Variants in ABLIM2 observed in about 807,000 individuals in gnomAD.
The protein encoded by ABLIM2 is actin-binding LIM protein 2.
In ABLIM2, 53 loss-of-function variants were observed where a neutral mutation model predicts 97.7. That is an observed-to-expected ratio of 0.54 (90% CI 0.44 to 0.68). The LOEUF (loss-of-function observed/expected upper bound fraction) is 0.68. ABLIM2 is among the 30% of genes least tolerant of loss of function. ABLIM2 has a pLI of 0.00. For missense variants in ABLIM2, 835 were observed against 867.2 expected (o/e 0.96, Z 0.47); for synonymous variants, 361 against 345.8 (o/e 1.04, Z -0.49).
intron 9 of ABLIM2, among the ~76,000 whole-genome samples, chr4:8,042,757 T>C (rs1789541911): frequency 6.7e-6 from 1 of 149,012 alleles, no homozygotes; most frequent in Non-Finnish European, 1.5e-5. Context: ...GAGAATCGCT[T>C]GAACCCAGGG....
At chr4:8,031,702 G>A (rs1042817979) in intron 10 of ABLIM2, among the ~76,000 whole-genome samples, 11 of 151,654 alleles carry the variant, frequency 7.3e-5, no homozygotes, top group Admixed American at 3.3e-4. Context: ...TCTGGGTGTC[G>A]TGGTGGGGGA....
At chr4:8,037,332 A>G (rs1785174955) in intron 9 of ABLIM2, among the ~76,000 whole-genome samples, 2 of 116,268 alleles carry the variant, frequency 1.7e-5, no homozygotes, top group African/African-American at 8.5e-5. Flanking sequence ...ACATGCACAC[A>G]CATGCAGGCA....
chr4:8,103,003 C>A (rs1217907924), intron 2 of ABLIM2, among the ~76,000 whole-genome samples: 1 of 152,216 alleles, frequency 6.6e-6, no homozygotes, highest in African/African-American at 2.4e-5. Flanking sequence ...CATCTCCAGG[C>A]TGCATGCCAT....
At chr4:8,100,988 C>A (rs1256442675) in intron 2 of ABLIM2, among the ~76,000 whole-genome samples, 1 of 152,136 alleles carries the variant, frequency 6.6e-6, no homozygotes, top group Non-Finnish European at 1.5e-5. Context: ...TACGGCATGC[C>A]TTCACATTTT....
At position 8,087,564 on chromosome 4, in the gene ABLIM2, G is replaced by A. The variant is rs1445394963; in HGVS notation, c.454+605C>T. 1.3e-5 allele frequency among the ~76,000 whole-genome samples: 2 copies of A among 152,202 alleles called. No individual in the cohort carries two copies. Among genetic ancestry groups the A allele is most frequent in the African/African-American group, 2.4e-5 (1 of 41,456 alleles). On this transcript the variant is annotated intron_variant, in intron 4 of 20. Coordinates refer to ENST00000447017, the MANE Select transcript of ABLIM2 (RefSeq NM_001130083.2). This position sits in a 1 kb window ranked among gnomAD's most constrained non-coding sequence, Gnocchi z 4.6. ...CCCCAAAGGGGTCCCGGGTGGCCTG[G>A]AATTAACAGAGGGGAGCTGAGGGGA...
chr4:8,118,541 C>T (rs771821336), intron 1 of ABLIM2, among the ~76,000 whole-genome samples: 2 of 152,210 alleles, frequency 1.3e-5, no homozygotes, highest in Non-Finnish European at 2.9e-5. Flanking sequence ...GCACAAGCTG[C>T]ACCCCTCTGC....
At position 7,992,403 on chromosome 4, in the gene ABLIM2, G is replaced by A. The variant is rs1056103482; in HGVS notation, c.1680+463C>T. On this transcript the variant is annotated intron_variant, in intron 17 of 20. Transcript: ENST00000447017. This position sits in a 1 kb window ranked among gnomAD's most constrained non-coding sequence, Gnocchi z 5.7. The stretch of plus-strand genomic sequence containing the variant: ...TCAAGTAACAGCCTTGGACGCTAAG[G>A]ATTATTTGGTGTCATCACGGTAACA... Among the ~76,000 whole-genome samples, 1 of 152,168 alleles carries A rather than the reference G, an allele frequency of 6.6e-6. No individual in the cohort carries two copies. Among genetic ancestry groups the A allele is most frequent in the African/African-American group, 2.4e-5 (1 of 41,442 alleles).
intron 16 of ABLIM2, chr4:8,007,155 A>G (rs1272063304): frequency 7.1e-6 from 7 of 985,160 alleles, no homozygotes; most frequent in African/African-American, 3.5e-5. Flanking sequence ...TGCAGGCATG[A>G]GGATGAGGAT....
At chr4:8,106,368 T>C in intron 2 of ABLIM2, 126 bp downstream of exon 2, 1 of 1,292,216 alleles carries the variant, frequency 7.7e-7, no homozygotes, top group Non-Finnish European at 1.1e-6. Context: ...CTGAAGATTC[T>C]GTATCTGGAG....
intron 3 of ABLIM2, among the ~76,000 whole-genome samples, chr4:8,090,440 T>C (rs902523461): frequency 3.3e-5 from 5 of 152,254 alleles, no homozygotes; most frequent in Admixed American, 2.6e-4. Flanking sequence ...CTCTGGCTTA[T>C]TGCCTGGACC....
chr4:8,000,329 C>T (rs142361408), intron 16 of ABLIM2, among the ~76,000 whole-genome samples: 184 of 152,226 alleles, frequency 1.2e-3, no homozygotes, highest in African/African-American at 4.0e-3. Flanking sequence ...ACAGGATCCC[C>T]GTGTGCTCAC....
In ABLIM2 at chr4:8,147,012, G is replaced by A. The variant is rs529484408; in HGVS notation, c.10+11668C>T. Among the ~76,000 whole-genome samples, 7 of 152,260 alleles carry A rather than the reference G, an allele frequency of 4.6e-5. No homozygotes were observed. Among genetic ancestry groups the A allele is most frequent in the Admixed American group, 1.3e-4 (2 of 15,290 alleles). Reference sequence around the variant, plus strand: ...CAGTGTTCTGCGGTTGGACATTTACGTTGCAGAGCATGTAACCCCTGCAAT... The same window carrying A: ...CAGTGTTCTGCGGTTGGACATTTACATTGCAGAGCATGTAACCCCTGCAAT... On this transcript the variant is annotated intron_variant, in intron 1 of 20. Coordinates refer to ENST00000447017, the MANE Select transcript of ABLIM2 (RefSeq NM_001130083.2). The surrounding 1 kb of genome is among the most constrained non-coding windows in gnomAD (Gnocchi z 5.3).
In ABLIM2 at chr4:8,014,924, CTT is replaced by C. The variant is rs72140876; in HGVS notation, c.1423+4692_1423+4693del. 1.3e-3 allele frequency among the ~76,000 whole-genome samples: 177 copies of C among 141,212 alleles called. 2 individuals are homozygous for C. Among genetic ancestry groups the C allele is most frequent in the East Asian group, 3.0e-3 (15 of 4,986 alleles). 92.6% of individuals were successfully genotyped at this position (141,212 alleles called of 152,430 possible). On this transcript the variant is annotated intron_variant, in intron 14 of 20. Coordinates refer to ENST00000447017, the MANE Select transcript of ABLIM2 (RefSeq NM_001130083.2). ...CTTTTCTTCCTTCCTTCCTTTCTTTCTTTTTTTTTTTTTTTTGACAGAGTCTC... is the reference window on the plus strand; with the variant it reads ...CTTTTCTTCCTTCCTTCCTTTCTTTCTTTTTTTTTTTTTTGACAGAGTCTC...
intron 3 of ABLIM2, among the ~76,000 whole-genome samples, chr4:8,092,532 G>C (rs534134587): frequency 6.6e-6 from 1 of 152,182 alleles, no homozygotes; most frequent in Non-Finnish European, 1.5e-5. Flanking sequence ...CTGTTTCCTG[G>C]ACTCCCTCTT....
At position 7,992,800 on chromosome 4, in the gene ABLIM2, T is replaced by C. The variant is rs943964322; in HGVS notation, c.1680+66A>G. 4 of 1,552,026 alleles carry C rather than the reference T, an allele frequency of 2.6e-6. No homozygotes were observed. The African/African-American group carries it at 4.1e-5, about 16-fold the overall frequency. On this transcript the variant is annotated intron_variant, in intron 17 of 20. Transcript: ENST00000447017. The surrounding 1 kb of genome is among the most constrained non-coding windows in gnomAD (Gnocchi z 5.7). ...CTCCTGCTGTGTGGTCAAGAAGCTG[T>C]GGGAAACGTGCTCAGCCTCACAGCA...
At position 8,127,200 on chromosome 4, in the gene ABLIM2, T is replaced by C. The variant is rs1021890459; in HGVS notation, c.11-20563A>G. Among the ~76,000 whole-genome samples, 1 of 152,100 alleles carries C rather than the reference T, an allele frequency of 6.6e-6. No homozygotes were observed. Among genetic ancestry groups the C allele is most frequent in the Admixed American group, 6.5e-5 (1 of 15,274 alleles). ...GGGAGGGAGGGAGGCCCAGACGCTGTGGTCAGTGGGTGCTGGAGTCCAGAC... is the reference window on the plus strand; with the variant it reads ...GGGAGGGAGGGAGGCCCAGACGCTGCGGTCAGTGGGTGCTGGAGTCCAGAC... On this transcript the variant is annotated intron_variant, in intron 1 of 20. Coordinates refer to ENST00000447017, the MANE Select transcript of ABLIM2 (RefSeq NM_001130083.2). This position sits in a 1 kb window ranked among gnomAD's most constrained non-coding sequence, Gnocchi z 7.3.
At chr4:8,036,106 T>C (rs778225569) in intron 10 of ABLIM2, 43 bp downstream of exon 10, 2 of 1,606,194 alleles carry the variant, frequency 1.2e-6, no homozygotes, top group South Asian at 1.1e-5. Flanking sequence ...AGGGCAGCAC[T>C]TGGGGACACA....
rs1335590505 is a variant in ABLIM2, at chr4:8,095,475, ATCT to A, written c.338+1621_338+1623del. Among the ~76,000 whole-genome samples, 3 of 152,302 alleles carry A rather than the reference ATCT, an allele frequency of 2.0e-5. No homozygotes were observed. The highest frequency in any genetic ancestry group is 4.8e-5 in the African/African-American group (2 of 41,568). ...GTTGTTGAATGCTGGATTTTTAAAA[ATCT>A]TCTTGTGAAAAGTGTTGGGCTTTGC... On this transcript the variant is annotated intron_variant, in intron 3 of 20. Transcript: ENST00000447017. This position sits in a 1 kb window ranked among gnomAD's most constrained non-coding sequence, Gnocchi z 4.7.
At chr4:7,975,630 A>C (rs1414507532) in intron 20 of ABLIM2, among the ~76,000 whole-genome samples, 1 of 152,200 alleles carries the variant, frequency 6.6e-6, no homozygotes, top group Non-Finnish European at 1.5e-5. Flanking sequence ...TTGGGCCTCC[A>C]AACTTAATCT....
Sources: gnomAD v4.1 joint callset for allele counts (sites outside exome capture counted in the v4.1 genomes callset) on GRCh38, gnomAD v4.1.1 for gene constraint, Gnocchi (gnomAD v3.1) non-coding constraint, MANE v1.5 for transcripts, NCBI Gene and HGNC (gene_info 2026-07-23, HGNC 2026-07-21) for gene names.